ARHGAP31: variants seen among roughly 807,000 people sequenced by gnomAD.
The protein encoded by ARHGAP31 is Rho GTPase activating protein 31.
ARHGAP31 carries 34 observed loss-of-function variants against 113.9 expected under a neutral mutation model. The ratio of observed to expected loss-of-function variants is 0.30; its 90% CI spans 0.23 to 0.40. ARHGAP31 has a LOEUF of 0.40. Ranked by LOEUF, ARHGAP31 falls within the 10% of genes least tolerant of loss-of-function variation. The pLI is 1.00. For missense variants in ARHGAP31, 1,548 were observed against 1,767.1 expected (o/e 0.88, Z 2.22); for synonymous variants, 650 against 684.8 (o/e 0.95, Z 0.79).
chr3:119,326,859 C>T (rs1327461837), intron 1 of ARHGAP31, among the ~76,000 whole-genome samples: 8 of 152,304 alleles, frequency 5.3e-5, no homozygotes, highest in African/African-American at 1.9e-4. Flanking sequence ...CAATTTCTGT[C>T]AGGTGGGTTG....
intron 8 of ARHGAP31, among the ~76,000 whole-genome samples, chr3:119,395,695 T>G (rs2080545185): frequency 1.3e-5 from 2 of 152,206 alleles, no homozygotes; most frequent in Non-Finnish European, 2.9e-5. Flanking sequence ...GTGTGCCTTG[T>G]GCTGATTGGC....
intron 1 of ARHGAP31, among the ~76,000 whole-genome samples, chr3:119,331,685 A>G (rs1443023119): frequency 6.6e-6 from 1 of 152,140 alleles, no homozygotes; most frequent in East Asian, 1.9e-4. Flanking sequence ...AGGCATAATC[A>G]CCTCTTCAGC....
intron 3 of ARHGAP31, among the ~76,000 whole-genome samples, chr3:119,369,115 G>T (rs1390726329): frequency 3.3e-5 from 5 of 152,204 alleles, no homozygotes; most frequent in African/African-American, 1.2e-4. Context: ...CAGCTGTATG[G>T]TCACCAAATA....
At chr3:119,399,133 A>T in intron 8 of ARHGAP31, 66 bp from the exon 9 acceptor site, 2 of 1,439,834 alleles carry the variant, frequency 1.4e-6, no homozygotes, top group Non-Finnish European at 2.0e-6. Context: ...AAACAGCCTG[A>T]CCTATTTTTC....
At chr3:119,333,751 A>G (rs914570170) in intron 1 of ARHGAP31, among the ~76,000 whole-genome samples, 4 of 152,188 alleles carry the variant, frequency 2.6e-5, no homozygotes, top group African/African-American at 9.7e-5. Flanking sequence ...TCCGACTCTC[A>G]CCGTTTTATT....
chr3:119,347,995 A>C (rs2080075038), intron 1 of ARHGAP31, among the ~76,000 whole-genome samples: 1 of 152,232 alleles, frequency 6.6e-6, no homozygotes, highest in South Asian at 2.1e-4. Context: ...GGGGTGCCCA[A>C]GCCCTAGGTT....
intron 1 of ARHGAP31, among the ~76,000 whole-genome samples, chr3:119,297,717 A>G (rs2079545077): frequency 1.3e-5 from 2 of 152,198 alleles, no homozygotes; most frequent in Non-Finnish European, 2.9e-5. Flanking sequence ...ACAAAGGCTG[A>G]AGACAGAATG....
chr3:119,319,738 T>C (rs1380339818), intron 1 of ARHGAP31, among the ~76,000 whole-genome samples: 3 of 152,188 alleles, frequency 2.0e-5, no homozygotes, highest in Admixed American at 6.5e-5. Context: ...ATTCCAGTGA[T>C]TGGAAAACAG....
chr3:119,297,225 A>C (rs1055366432), intron 1 of ARHGAP31, among the ~76,000 whole-genome samples: 4 of 152,238 alleles, frequency 2.6e-5, no homozygotes, highest in African/African-American at 9.6e-5. Context: ...GTGTAGCATC[A>C]ATGAACAAAG....
At chr3:119,380,791 C>A in intron 3 of ARHGAP31, 113 bp from the exon 4 acceptor site, 4 of 867,370 alleles carry the variant, frequency 4.6e-6, no homozygotes, top group Non-Finnish European at 7.8e-6. Context: ...GAAGGATGAT[C>A]TCTAGGCATG....
rs771075916 is a variant in ARHGAP31, at chr3:119,368,392, A to G, written c.224A>G (p.Gln75Arg). The change falls in exon 3 of 12, where the codon CAA (glutamine) becomes CGA (arginine). Residue 75 changes from glutamine to arginine, a missense_variant. Coordinates refer to ENST00000264245, the MANE Select transcript of ARHGAP31 (RefSeq NM_020754.4). ...TTCAGGCAAGAGTTTGGCTCAGATCAATGTCCAGATCTGACAAGGGAAGTG... is the reference window on the plus strand; with the variant it reads ...TTCAGGCAAGAGTTTGGCTCAGATCGATGTCCAGATCTGACAAGGGAAGTG... ...QRLRQEFGSD[Q>R]CPDLTREVYL... is the part of the protein sequence containing the mutation. The G allele has an allele frequency of 6.2e-7, 1 of 1,614,170 alleles. No individual in the cohort carries two copies. The highest frequency in any genetic ancestry group is 8.5e-7 in the Non-Finnish European group (1 of 1,180,004).
chr3:119,296,443 A>G (rs750445994), intron 1 of ARHGAP31, among the ~76,000 whole-genome samples: 3 of 152,204 alleles, frequency 2.0e-5, no homozygotes, highest in Non-Finnish European at 4.4e-5. Context: ...CTTAACCACT[A>G]TCGTCAGAAG....
rs185098051 is a variant in ARHGAP31 at position 119,325,671 on chromosome 3, G to A, written c.100+30667G>A. Among the ~76,000 whole-genome samples the A allele has an allele frequency of 5.1e-4, 77 of 152,054 alleles. 1 individual carries two copies. The highest frequency in any genetic ancestry group is 3.4e-3 in the Admixed American group (52 of 15,278). Reference sequence around the variant, plus strand: ...GATGGCGGGGGTTGGGGGGGAAGGGGGGGACGGAAATGACTTAGCCTGAAG... The same window carrying A: ...GATGGCGGGGGTTGGGGGGGAAGGGAGGGACGGAAATGACTTAGCCTGAAG... On this transcript the variant is annotated intron_variant, in intron 1 of 11. Transcript: ENST00000264245.
chr3:119,414,551 A>G lies in ARHGAP31; in HGVS notation c.2622A>G (p.Glu874=). Residue 874 remains glutamate, a synonymous_variant, in exon 12 of 12, where the codon GAA becomes GAG. Transcript: ENST00000264245. The part of the protein sequence containing the change: ...PTREVEIVSQ[E]EEDVTHSVQE... ...GGGAGGTTGAGATCGTCTCACAAGA[A>G]GAGGAGGATGTAACCCATTCAGTAC... 1.2e-6 allele frequency: 2 copies of G among 1,614,210 alleles called. No homozygotes were observed. Among genetic ancestry groups the G allele is most frequent in the Non-Finnish European group, 1.7e-6 (2 of 1,180,032 alleles).
chr3:119,398,918 T>G (rs1232990104), intron 8 of ARHGAP31, among the ~76,000 whole-genome samples: 1 of 152,172 alleles, frequency 6.6e-6, no homozygotes, highest in Non-Finnish European at 1.5e-5. Flanking sequence ...AGCTCAGGAG[T>G]CCTCATTTGC....
intron 6 of ARHGAP31, among the ~76,000 whole-genome samples, chr3:119,388,397 A>G (rs1337962975): frequency 6.6e-6 from 1 of 151,346 alleles, no homozygotes; most frequent in Non-Finnish European, 1.5e-5. Context: ...AAGGGGAAGC[A>G]GATGAAATAT....
intron 2 of ARHGAP31, among the ~76,000 whole-genome samples, chr3:119,365,724 G>A (rs1405474005): frequency 6.6e-6 from 1 of 152,172 alleles, no homozygotes; most frequent in Non-Finnish European, 1.5e-5. Flanking sequence ...TACAAGTTAA[G>A]GAAAACGTGA....
intron 11 of ARHGAP31, among the ~76,000 whole-genome samples, chr3:119,411,225 G>A (rs1164700860): frequency 6.6e-6 from 1 of 152,128 alleles, no homozygotes; most frequent in Non-Finnish European, 1.5e-5. Context: ...AGCATATGAG[G>A]TGTTCAGAAT....
At chr3:119,328,250 G>A (rs1311529742) in intron 1 of ARHGAP31, among the ~76,000 whole-genome samples, 1 of 152,116 alleles carries the variant, frequency 6.6e-6, no homozygotes, top group Non-Finnish European at 1.5e-5. Context: ...CATTAAGAGG[G>A]GGGAAAACCG....
Sources: allele counts gnomAD v4.1 joint callset (sites outside exome capture counted in the v4.1 genomes callset), GRCh38; gene constraint gnomAD v4.1.1; transcripts MANE v1.5; gene names NCBI Gene and HGNC (gene_info 2026-07-23, HGNC 2026-07-21).